Variants in STXBP5L observed in about 807,000 individuals in gnomAD.
The protein encoded by STXBP5L is syntaxin-binding protein 5-like.
In STXBP5L, 65 loss-of-function variants were observed where a neutral mutation model predicts 144.5. The observed-to-expected ratio is 0.45, with a 90% CI of 0.37 to 0.55. STXBP5L has a LOEUF of 0.55. Among genes scored for constraint, STXBP5L ranks in the 20% least tolerant of loss-of-function variants. The probability of loss-of-function intolerance (pLI) is 0.00; values close to 1 mark genes in which losing one functional copy is unlikely to be tolerated. For synonymous variants in STXBP5L, 505 were observed against 469.6 expected (o/e 1.08, Z -0.97); for missense variants, 1,298 against 1,405.5 (o/e 0.92, Z 1.22).
At chr3:121,073,669 G>A (rs144295754) in intron 5 of STXBP5L, among the ~76,000 whole-genome samples, 4 of 152,276 alleles carry the variant, frequency 2.6e-5, no homozygotes, top group African/African-American at 2.4e-5. Context: ...TGTCTTTGAA[G>A]GCCATGTCCT....
At chr3:121,345,575 G>T (rs1023445886) in intron 20 of STXBP5L, among the ~76,000 whole-genome samples, 2 of 151,954 alleles carry the variant, frequency 1.3e-5, no homozygotes, top group African/African-American at 4.8e-5. Flanking sequence ...ATTCTTGAGG[G>T]ATCACCACAC....
intron 3 of STXBP5L, among the ~76,000 whole-genome samples, chr3:120,970,776 G>A (rs552062220): frequency 1.3e-5 from 2 of 151,636 alleles, no homozygotes; most frequent in Non-Finnish European, 2.9e-5. Flanking sequence ...CTTTTTCTTC[G>A]TGTCTCCTGA....
At chr3:121,201,402 G>A (rs186161881) in intron 9 of STXBP5L, among the ~76,000 whole-genome samples, 63 of 152,214 alleles carry the variant, frequency 4.1e-4, no homozygotes, top group African/African-American at 1.5e-3. Context: ...TTGAGCCTAA[G>A]TATGTCTTTA....
intron 22 of STXBP5L, among the ~76,000 whole-genome samples, chr3:121,399,592 A>T (rs1430386666): frequency 6.6e-6 from 1 of 152,248 alleles, no homozygotes; most frequent in Non-Finnish European, 1.5e-5. Context: ...TGGGAAATGA[A>T]GGGATGGGCT....
intron 19 of STXBP5L, among the ~76,000 whole-genome samples, chr3:121,314,420 C>A (rs1411990274): frequency 7.4e-6 from 1 of 135,178 alleles, no homozygotes; most frequent in Admixed American, 7.4e-5. Context: ...AGTGAAACCC[C>A]GTCTCCACCA....
intron 3 of STXBP5L, among the ~76,000 whole-genome samples, chr3:121,000,419 G>A (rs962968015): frequency 6.6e-5 from 10 of 152,066 alleles, no homozygotes; most frequent in Admixed American, 5.9e-4. Flanking sequence ...ATTTCCAATT[G>A]AATTATGAAA....
intron 5 of STXBP5L, among the ~76,000 whole-genome samples, chr3:121,067,796 A>G (rs1368577415): frequency 6.6e-6 from 1 of 152,142 alleles, no homozygotes; most frequent in Non-Finnish European, 1.5e-5. Flanking sequence ...GGATGTATAC[A>G]TTTATTTTCT....
At chr3:121,015,988 G>T (rs1030783627) in intron 3 of STXBP5L, among the ~76,000 whole-genome samples, 1 of 152,154 alleles carries the variant, frequency 6.6e-6, no homozygotes, top group African/African-American at 2.4e-5. Flanking sequence ...ATAATAACAA[G>T]TGCAGACTCT....
intron 5 of STXBP5L, among the ~76,000 whole-genome samples, chr3:121,060,236 G>T (rs888171217): frequency 6.6e-6 from 1 of 152,072 alleles, no homozygotes; most frequent in Non-Finnish European, 1.5e-5. Context: ...TAATCATGTG[G>T]TTTCTGTCAT....
At chr3:121,194,788 G>A (rs2047853618) in intron 9 of STXBP5L, among the ~76,000 whole-genome samples, 1 of 151,222 alleles carries the variant, frequency 6.6e-6, no homozygotes, top group South Asian at 2.1e-4. Context: ...AGTTTTGATA[G>A]TTTGTGTTTT....
At chr3:121,055,990 G>A (rs1948434503) in intron 5 of STXBP5L, among the ~76,000 whole-genome samples, 2 of 151,798 alleles carry the variant, frequency 1.3e-5, no homozygotes, top group South Asian at 4.2e-4. Context: ...ACTGTGCTTG[G>A]CCTGGGGTCT....
At chr3:121,161,982 A>G (rs2046338154) in intron 9 of STXBP5L, among the ~76,000 whole-genome samples, 2 of 152,150 alleles carry the variant, frequency 1.3e-5, no homozygotes, top group Admixed American at 6.5e-5. Context: ...TTATGATGCA[A>G]TTAGACAACA....
chr3:120,964,001 G>A (rs568291192), intron 3 of STXBP5L, among the ~76,000 whole-genome samples: 2 of 152,146 alleles, frequency 1.3e-5, no homozygotes, highest in Non-Finnish European at 2.9e-5. Flanking sequence ...TTAGTGTTGC[G>A]AGGGTGTATG....
chr3:121,011,572 TATACTTAGAAA>T (rs1480586413), intron 3 of STXBP5L, among the ~76,000 whole-genome samples: 1 of 151,594 alleles, frequency 6.6e-6, no homozygotes, highest in Admixed American at 6.6e-5. Flanking sequence ...TATAGCTAAA[TATACTTAGAAA>T]ATACTTAGAA....
At chr3:121,108,844 G>T (rs2043839925) in intron 5 of STXBP5L, among the ~76,000 whole-genome samples, 1 of 152,020 alleles carries the variant, frequency 6.6e-6, no homozygotes, top group Non-Finnish European at 1.5e-5. Flanking sequence ...GTCTGGTCCT[G>T]GGCTTTTTTT....
chr3:120,980,594 T>G (rs1020516664), intron 3 of STXBP5L, among the ~76,000 whole-genome samples: 3 of 152,138 alleles, frequency 2.0e-5, no homozygotes, highest in African/African-American at 7.2e-5. Flanking sequence ...TTTAAATATC[T>G]TTATGAGTTA....
At chr3:121,385,067 A>C (rs2046397782) in intron 22 of STXBP5L, among the ~76,000 whole-genome samples, 1 of 152,108 alleles carries the variant, frequency 6.6e-6, no homozygotes. Flanking sequence ...AATCAAACTC[A>C]AGATTTAAAT....
chr3:121,207,923 G>A (rs1430718695), intron 10 of STXBP5L, among the ~76,000 whole-genome samples: 1 of 152,134 alleles, frequency 6.6e-6, no homozygotes, highest in Non-Finnish European at 1.5e-5. Context: ...AAGACAGTGT[G>A]GCGATTCCTC....
chr3:121,287,529 G>A (rs1165760803), intron 19 of STXBP5L, among the ~76,000 whole-genome samples: 1 of 152,038 alleles, frequency 6.6e-6, no homozygotes, highest in South Asian at 2.1e-4. Flanking sequence ...CAACAGATAC[G>A]AAAGACCCAC....
Sources: allele counts gnomAD v4.1 joint callset (sites outside exome capture counted in the v4.1 genomes callset), GRCh38; gene constraint gnomAD v4.1.1; transcripts MANE v1.5; gene names NCBI Gene and HGNC (gene_info 2026-07-23, HGNC 2026-07-21).